The following ZBED6 variants were observed in gnomAD, a reference collection of about 807,000 sequenced individuals.
ZBED6 encodes zinc finger BED domain-containing protein 6.
ZBED6 carries 40 observed loss-of-function variants against 58.4 expected under a neutral mutation model. That is an observed-to-expected ratio of 0.68 (90% CI 0.53 to 0.89). The LOEUF is 0.89. ZBED6 is among the 40% of genes least tolerant of loss of function. ZBED6 has a pLI of 0.00. For synonymous variants in ZBED6, 439 were observed against 350.6 expected (o/e 1.25, Z -2.82); for missense variants, 1,057 against 1,003.9 (o/e 1.05, Z -0.71).
chr1:203,832,970 A>G (rs903187615), intron 8 of ZBED6, among the ~76,000 whole-genome samples: 3 of 152,326 alleles, frequency 2.0e-5, no homozygotes, highest in Middle Eastern at 3.4e-3. Flanking sequence ...GCAGTGGCTT[A>G]CATGTATAAT....
At chr1:203,829,880 A>C (rs1357616665) in exon 6 of ZBED6, 3 of 1,613,892 alleles carry the variant, frequency 1.9e-6, no homozygotes, top group Non-Finnish European at 2.5e-6. Flanking sequence ...GGAAACCTGC[A>C]GTCAATATAA....
chr1:203,833,618 G>GTTTTTTTTTTTTTTTTTTTTTTTTTT (rs553171669), intron 8 of ZBED6, among the ~76,000 whole-genome samples, 173 bp from the exon 9 acceptor site: 4 of 124,832 alleles, frequency 3.2e-5, no homozygotes, highest in Non-Finnish European at 6.6e-5. Flanking sequence ...ATAGGTTTGG[G>GTTTTTTTTTTTTTTTTTTTTTTTTTT]TTTTTTTTTT....
chr1:203,836,937 T>C (rs1338344592), intron 9 of ZBED6, among the ~76,000 whole-genome samples: 1 of 152,194 alleles, frequency 6.6e-6, no homozygotes, highest in African/African-American at 2.4e-5. Flanking sequence ...ACTAAAAAAC[T>C]TAAAATTTAA....
exon 17 of ZBED6, chr1:203,852,588 C>T (rs1689541824): frequency 1.6e-6 from 1 of 629,642 alleles, no homozygotes; most frequent in Non-Finnish European, 2.7e-6. Context: ...ACTTTATAAC[C>T]ATTTTGTCCA....
intron 16 of ZBED6, 75 bp from the exon 17 acceptor site, chr1:203,852,066 G>C: frequency 6.7e-7 from 1 of 1,494,148 alleles, no homozygotes; most frequent in Non-Finnish European, 9.0e-7. Context: ...TGCTCACTTT[G>C]TGTCCGTGAG....
chr1:203,850,962 A>G (rs1689104665), intron 15 of ZBED6, 95 bp from the exon 16 acceptor site: 1 of 1,420,834 alleles, frequency 7.0e-7, no homozygotes, highest in African/African-American at 1.4e-5. Flanking sequence ...TTAAAGAATC[A>G]TAGCCACAAT....
intron 3 of ZBED6, among the ~76,000 whole-genome samples, chr1:203,819,528 A>ATTTTTTTTTTT (rs1677708499): frequency 1.4e-5 from 1 of 71,352 alleles, no homozygotes. Context: ...AGCTGACTCC[A>ATTTTTTTTTTT]ATTTTTTTTT....
At chr1:203,833,727 T>A in intron 8 of ZBED6, 64 bp from the exon 9 acceptor site, 1 of 1,423,362 alleles carries the variant, frequency 7.0e-7, no homozygotes, top group Non-Finnish European at 9.7e-7. Context: ...TTTGTACCCA[T>A]TAGTAGTTAC....
chr1:203,834,810 T>C (rs1202464516), intron 9 of ZBED6, among the ~76,000 whole-genome samples: 1 of 152,158 alleles, frequency 6.6e-6, no homozygotes, highest in South Asian at 2.1e-4. Context: ...CCCTGGCTAA[T>C]TTTTGTATTT....
At chr1:203,807,842 A>G (rs1303796681) in intron 1 of ZBED6, among the ~76,000 whole-genome samples, 1 of 152,108 alleles carries the variant, frequency 6.6e-6, no homozygotes, top group East Asian at 1.9e-4. Flanking sequence ...CTTGGGCTCA[A>G]GCAATCCTTC....
intron 1 of ZBED6, among the ~76,000 whole-genome samples, chr1:203,808,602 A>C (rs1031095791): frequency 3.3e-5 from 5 of 152,182 alleles, no homozygotes; most frequent in Admixed American, 2.6e-4. Flanking sequence ...TTCATTTCAT[A>C]TACAATTTCC....
chr1:203,809,363 G>A (rs1673548185), intron 1 of ZBED6, among the ~76,000 whole-genome samples: 1 of 151,348 alleles, frequency 6.6e-6, no homozygotes, highest in Admixed American at 6.6e-5. Context: ...TTTTAGTAGA[G>A]GCGGTGTTTC....
chr1:203,839,949 A>G (rs993812040), intron 10 of ZBED6, among the ~76,000 whole-genome samples: 1 of 148,520 alleles, frequency 6.7e-6, no homozygotes, highest in Admixed American at 6.7e-5. Context: ...GATTACAGGC[A>G]TGTGCCACCA....
chr1:203,826,743 A>AGG (rs1265130656), intron 3 of ZBED6, among the ~76,000 whole-genome samples: 4 of 152,164 alleles, frequency 2.6e-5, no homozygotes, highest in African/African-American at 9.7e-5. Context: ...TGATGATTAG[A>AGG]GATTCGACAT....
chr1:203,798,649 A>G (rs1223078416), exon 1 of ZBED6: 3 of 1,536,046 alleles, frequency 2.0e-6, no homozygotes, highest in South Asian at 1.2e-5. Context: ...TTAGAGGTTG[A>G]AAACAGATCT....
At position 203,813,994 on chromosome 1, in the gene ZBED6, T is replaced by A. The variant is rs1300856852; in HGVS notation, c.*2555-2932T>A. ...TTGTTTTTTTTTTTTGCAATATGGA[T>A]AGAGTGAGAATTTTCTAAATTTTCA... On this transcript the variant is annotated intron_variant, in intron 1 of 16. Coordinates refer to ENST00000550078, the Ensembl canonical transcript of ZBED6. Among the ~76,000 whole-genome samples, 4 of 151,148 alleles carry A rather than the reference T, an allele frequency of 2.6e-5. No individual in the cohort carries two copies. The East Asian group carries it at 7.8e-4, about 30-fold the overall frequency.
intron 14 of ZBED6, 37 bp from the exon 15 acceptor site, chr1:203,850,478 T>C: frequency 6.2e-7 from 1 of 1,612,328 alleles, no homozygotes; most frequent in Non-Finnish European, 8.5e-7. Flanking sequence ...AAAGAGTCTA[T>C]TCTCACTGCT....
chr1:203,811,061 A>T (rs1446386970), intron 1 of ZBED6, among the ~76,000 whole-genome samples: 2 of 151,898 alleles, frequency 1.3e-5, no homozygotes, highest in Non-Finnish European at 2.9e-5. Context: ...GAATCGCTTG[A>T]AACCAGAAGG....
intron 11 of ZBED6, 46 bp downstream of exon 11, chr1:203,840,420 G>GTTC (rs1347944340): frequency 1.3e-6 from 2 of 1,569,416 alleles, no homozygotes; most frequent in Admixed American, 3.7e-5. Flanking sequence ...TTTCTTTGCT[G>GTTC]TAAGAGCCTT....
Sources: gnomAD v4.1 joint callset for allele counts (sites outside exome capture counted in the v4.1 genomes callset) on GRCh38, gnomAD v4.1.1 for gene constraint, MANE v1.5 for transcripts, NCBI Gene and HGNC (gene_info 2026-07-23, HGNC 2026-07-21) for gene names.